The following SORCS2 variants were observed in gnomAD, a reference collection of about 807,000 sequenced individuals.
SORCS2 encodes the protein sortilin related VPS10 domain containing receptor 2.
A neutral mutation model predicts 141.6 loss-of-function variants in SORCS2; 100 were observed. The ratio of observed to expected loss-of-function variants is 0.71; its 90% CI spans 0.60 to 0.83. The LOEUF (loss-of-function observed/expected upper bound fraction) is 0.83, where lower values mean the gene tolerates loss of function less well. Ranked by LOEUF, SORCS2 falls within the 40% of genes least tolerant of loss-of-function variation. The probability of loss-of-function intolerance (pLI) is 0.00; values close to 1 mark genes in which losing one functional copy is unlikely to be tolerated. For missense variants in SORCS2, 1,646 were observed against 1,560.2 expected (o/e 1.05, Z -0.93); for synonymous variants, 789 against 676.9 (o/e 1.17, Z -2.57).
intron 2 of SORCS2, among the ~76,000 whole-genome samples, chr4:7,469,432 G>C (rs952639304): frequency 1.3e-5 from 2 of 152,236 alleles, no homozygotes; most frequent in African/African-American, 4.8e-5. Flanking sequence ...CTAAGCTGTG[G>C]TTGGAATGTG....
chr4:7,339,389 A>G (rs1720230708), intron 1 of SORCS2, among the ~76,000 whole-genome samples: 1 of 152,232 alleles, frequency 6.6e-6, no homozygotes, highest in African/African-American at 2.4e-5. Flanking sequence ...GCTGCGTAAC[A>G]AAGTACCACG....
intron 19 of SORCS2, among the ~76,000 whole-genome samples, chr4:7,724,801 G>A (rs1303769367): frequency 7.0e-6 from 1 of 143,312 alleles, no homozygotes; most frequent in African/African-American, 2.6e-5. Context: ...GGATGGTGAT[G>A]GTGGTGATGG....
chr4:7,734,164 G>A (rs1053925208), intron 24 of SORCS2, 108 bp from the exon 25 acceptor site: 438 of 749,938 alleles, frequency 5.8e-4, no homozygotes, highest in Non-Finnish European at 8.7e-4. Flanking sequence ...AGCTGGGGAT[G>A]GGCGGGGGAC....
intron 17 of SORCS2, among the ~76,000 whole-genome samples, chr4:7,715,758 C>T (rs1234609833): frequency 6.6e-6 from 1 of 152,214 alleles, no homozygotes; most frequent in Non-Finnish European, 1.5e-5. Flanking sequence ...TCTCCCCATT[C>T]ACCAAGGCTT....
At chr4:7,342,799 C>T (rs915063071) in intron 1 of SORCS2, among the ~76,000 whole-genome samples, 3 of 152,214 alleles carry the variant, frequency 2.0e-5, no homozygotes, top group Admixed American at 6.5e-5. Context: ...GTAATTATAA[C>T]GGTTGTTAAC....
chr4:7,368,892 G>A (rs567304364), intron 1 of SORCS2, among the ~76,000 whole-genome samples: 6 of 152,160 alleles, frequency 3.9e-5, no homozygotes, highest in South Asian at 2.1e-4. Context: ...AGAGTCTCAC[G>A]AGATCTGATG....
chr4:7,556,761 C>G (rs1714146627), intron 3 of SORCS2, among the ~76,000 whole-genome samples: 1 of 151,146 alleles, frequency 6.6e-6, no homozygotes, highest in African/African-American at 2.4e-5. Context: ...TACCTACCAC[C>G]CATTCACCCA....
chr4:7,203,827 C>T (rs879871485), intron 1 of SORCS2, among the ~76,000 whole-genome samples: 1 of 152,150 alleles, frequency 6.6e-6, no homozygotes, highest in Non-Finnish European at 1.5e-5. Context: ...CCCCATCACC[C>T]TCCTCCACCC....
intron 3 of SORCS2, among the ~76,000 whole-genome samples, chr4:7,564,546 G>A (rs1714829192): frequency 6.6e-6 from 1 of 152,246 alleles, no homozygotes; most frequent in Non-Finnish European, 1.5e-5. Context: ...AACTCAGCAT[G>A]TGAGTCTGGG....
intron 1 of SORCS2, among the ~76,000 whole-genome samples, chr4:7,267,718 C>A (rs1481389317): frequency 6.6e-6 from 1 of 152,244 alleles, no homozygotes; most frequent in Non-Finnish European, 1.5e-5. Context: ...GTAATCCCAG[C>A]TTCTCAGGAG....
At chr4:7,433,598 T>C (rs1242552799) in intron 2 of SORCS2, 2 of 1,611,796 alleles carry the variant, frequency 1.2e-6, no homozygotes, top group Admixed American at 3.3e-5. Context: ...GGCAGGATGC[T>C]GCAGCCACCC....
intron 3 of SORCS2, among the ~76,000 whole-genome samples, chr4:7,619,748 G>GC (rs1416539299): frequency 6.6e-6 from 1 of 152,194 alleles, no homozygotes; most frequent in African/African-American, 2.4e-5. Context: ...TCTGCAGTGA[G>GC]CCCAACACAC....
intron 1 of SORCS2, among the ~76,000 whole-genome samples, chr4:7,373,199 A>T (rs1273321567): frequency 6.6e-6 from 1 of 151,060 alleles, no homozygotes; most frequent in Non-Finnish European, 1.5e-5. Context: ...CATTCCCAAC[A>T]CCAAGGTATG....
chr4:7,737,423 G>A (rs1243833299), intron 26 of SORCS2, among the ~76,000 whole-genome samples: 1 of 152,066 alleles, frequency 6.6e-6, no homozygotes, highest in East Asian at 1.9e-4. Context: ...CCCATCCCTG[G>A]CAATGACCAA....
chr4:7,382,098 T>G (rs899851825), intron 1 of SORCS2: 1 of 540,184 alleles, frequency 1.9e-6, no homozygotes, highest in Admixed American at 6.4e-5. Flanking sequence ...CAGAAGGACC[T>G]TGAAGGGTGG....
At chr4:7,555,000 A>G (rs938927911) in intron 3 of SORCS2, among the ~76,000 whole-genome samples, 1 of 152,148 alleles carries the variant, frequency 6.6e-6, no homozygotes, top group South Asian at 2.1e-4. Flanking sequence ...TGTGTCTGGA[A>G]TCAGCTGCTC....
intron 1 of SORCS2, among the ~76,000 whole-genome samples, chr4:7,232,180 G>C (rs914202250): frequency 6.6e-6 from 1 of 152,186 alleles, no homozygotes; most frequent in Non-Finnish European, 1.5e-5. Context: ...CCTGGGGGAA[G>C]CATGGGCTGT....
chr4:7,400,200 T>G lies in SORCS2; in HGVS notation c.548+3845T>G, dbSNP rs887005629. On this transcript the variant is annotated intron_variant, in intron 2 of 26. Transcript: ENST00000507866. ...GCTCCTCCCACTCTACCTCTTACTGTTCAGTGTCCAGTGACAGTAGCCTCT... is the reference window on the plus strand; with the variant it reads ...GCTCCTCCCACTCTACCTCTTACTGGTCAGTGTCCAGTGACAGTAGCCTCT... Among the ~76,000 whole-genome samples, 53 of 151,826 alleles carry G rather than the reference T, an allele frequency of 3.5e-4. 2 individuals carry two copies. Among genetic ancestry groups the G allele is most frequent in the Non-Finnish European group, 2.9e-5 (2 of 67,964 alleles).
At chr4:7,326,192 GGA>G (rs764220498) in intron 1 of SORCS2, among the ~76,000 whole-genome samples, 2 of 152,220 alleles carry the variant, frequency 1.3e-5, no homozygotes, top group South Asian at 4.2e-4. Context: ...AGGCTCCAGG[GGA>G]GTTAGGATCA....
Sources: gnomAD v4.1 joint callset for allele counts (sites outside exome capture counted in the v4.1 genomes callset) on GRCh38, gnomAD v4.1.1 for gene constraint, MANE v1.5 for transcripts, NCBI Gene and HGNC (gene_info 2026-07-23, HGNC 2026-07-21) for gene names.